The following PPP1R16B variants were observed in gnomAD, a reference collection of about 807,000 sequenced individuals.
The protein encoded by PPP1R16B is protein phosphatase 1 regulatory subunit 16B.
Under a neutral mutation model 61.7 loss-of-function variants are expected in PPP1R16B, and 14 were observed. That is an observed-to-expected ratio of 0.23 (90% CI 0.15 to 0.35). The LOEUF (loss-of-function observed/expected upper bound fraction) is 0.35, where lower values mean the gene tolerates loss of function less well. Among genes scored for constraint, PPP1R16B ranks in the 10% least tolerant of loss-of-function variants. PPP1R16B has a pLI of 1.00. For missense variants in PPP1R16B, 547 were observed against 752.5 expected, an observed-to-expected ratio of 0.73 and a Z score of 3.19; for synonymous variants, 266 against 305.3, an observed-to-expected ratio of 0.87 and a Z score of 1.34.
chr20:38,830,258 C>T (rs192517621), intron 1 of PPP1R16B, among the ~76,000 whole-genome samples: 1 of 152,312 alleles, frequency 6.6e-6, no homozygotes, highest in Admixed American at 6.5e-5. Flanking sequence ...CCTCTCTAGC[C>T]CTGAGCACAG....
At chr20:38,879,680 G>A (rs1296644744) in intron 2 of PPP1R16B, among the ~76,000 whole-genome samples, 1 of 152,222 alleles carries the variant, frequency 6.6e-6, no homozygotes, top group Non-Finnish European at 1.5e-5. Flanking sequence ...CCTAAAGGGT[G>A]TGCTGTCACT....
intron 1 of PPP1R16B, among the ~76,000 whole-genome samples, chr20:38,832,266 A>T (rs2084842133): frequency 6.6e-6 from 1 of 152,218 alleles, no homozygotes; most frequent in East Asian, 1.9e-4. Context: ...AAATGGATTT[A>T]TGAGATAAAT....
chr20:38,915,542 G>A (rs2085528733), intron 10 of PPP1R16B, among the ~76,000 whole-genome samples: 2 of 152,162 alleles, frequency 1.3e-5, no homozygotes, highest in African/African-American at 4.8e-5. Flanking sequence ...CTGGAGTGCA[G>A]TTGTGCAATC....
At chr20:38,861,349 T>A (rs1327211345) in intron 2 of PPP1R16B, among the ~76,000 whole-genome samples, 1 of 152,216 alleles carries the variant, frequency 6.6e-6, no homozygotes, top group Non-Finnish European at 1.5e-5. Flanking sequence ...TAGAAGAGGA[T>A]GAGACCCCTT....
At position 38,895,893 on chromosome 20, in the gene PPP1R16B, CCCTCCCT is replaced by C. The variant is rs2085335524; in HGVS notation, c.467+187_467+193del. On this transcript the variant is annotated intron_variant, in intron 4 of 10. Coordinates refer to ENST00000299824, the MANE Select transcript of PPP1R16B (RefSeq NM_015568.4). Reference sequence around the variant, plus strand: ...CTCCCTCCTTCCTTCTTTCTTCCCTCCCTCCCTCCTTCCTTCTTTCTTCCCTCCCTCC... The same window carrying C: ...CTCCCTCCTTCCTTCTTTCTTCCCTCCCTTCCTTCTTTCTTCCCTCCCTCC... Among the ~76,000 whole-genome samples the C allele has an allele frequency of 6.9e-5, 7 of 102,172 alleles. 1 individual carries two copies. Among genetic ancestry groups the C allele is most frequent in the African/African-American group, 3.0e-4 (7 of 23,066 alleles). 67.0% of individuals were successfully genotyped at this position (102,172 alleles called of 152,430 possible).
At chr20:38,831,188 T>C (rs1411714105) in intron 1 of PPP1R16B, among the ~76,000 whole-genome samples, 2 of 152,226 alleles carry the variant, frequency 1.3e-5, no homozygotes, top group African/African-American at 4.8e-5. Flanking sequence ...GCTGCTTCCT[T>C]GTACTTCCTT....
intron 4 of PPP1R16B, among the ~76,000 whole-genome samples, chr20:38,899,592 C>T (rs2085375893): frequency 6.6e-6 from 1 of 152,244 alleles, no homozygotes; most frequent in Admixed American, 6.5e-5. Flanking sequence ...CCCAGGTCTC[C>T]ATTCTTCTAC....
chr20:38,891,971 T>A (rs967984596), intron 3 of PPP1R16B, among the ~76,000 whole-genome samples: 1 of 152,164 alleles, frequency 6.6e-6, no homozygotes, highest in Non-Finnish European at 1.5e-5. Flanking sequence ...GTGGCTGATG[T>A]GACTGAGGAA....
At chr20:38,866,142 A>T (rs2085089050) in intron 2 of PPP1R16B, among the ~76,000 whole-genome samples, 1 of 152,122 alleles carries the variant, frequency 6.6e-6, no homozygotes, top group Non-Finnish European at 1.5e-5. Context: ...AAAAAAATTA[A>T]AAATAAATAA....
intron 2 of PPP1R16B, among the ~76,000 whole-genome samples, chr20:38,868,533 T>TA (rs2085105167): frequency 6.6e-6 from 1 of 152,042 alleles, no homozygotes; most frequent in Non-Finnish European, 1.5e-5. Flanking sequence ...TACAGGCACA[T>TA]GCCACCTCGC....
chr20:38,862,123 T>A (rs1358092197), intron 2 of PPP1R16B, among the ~76,000 whole-genome samples: 2 of 152,176 alleles, frequency 1.3e-5, no homozygotes, highest in African/African-American at 4.8e-5. Context: ...CATGCCTGGC[T>A]TCTTGCCCTC....
At chr20:38,824,504 A>C (rs543036531) in intron 1 of PPP1R16B, among the ~76,000 whole-genome samples, 34 of 152,208 alleles carry the variant, frequency 2.2e-4, no homozygotes, top group Non-Finnish European at 4.1e-4. Flanking sequence ...TTATGGGTGT[A>C]GCCTTTGGAG....
At chr20:38,817,013 C>T (rs1264718211) in intron 1 of PPP1R16B, among the ~76,000 whole-genome samples, 1 of 152,200 alleles carries the variant, frequency 6.6e-6, no homozygotes, top group Non-Finnish European at 1.5e-5. Flanking sequence ...GTCTCTTGGC[C>T]AGCCTCCTGT....
At chr20:38,887,773 G>T (rs2085256876) in intron 2 of PPP1R16B, among the ~76,000 whole-genome samples, 1 of 152,228 alleles carries the variant, frequency 6.6e-6, no homozygotes, top group Non-Finnish European at 1.5e-5. Context: ...ACCCATACTG[G>T]CTATGCATAC....
chr20:38,863,427 T>C (rs980804428), intron 2 of PPP1R16B, among the ~76,000 whole-genome samples: 5 of 152,102 alleles, frequency 3.3e-5, no homozygotes, highest in African/African-American at 9.7e-5. Flanking sequence ...TAGGCCAAAG[T>C]GAGGGGTAAT....
intron 1 of PPP1R16B, among the ~76,000 whole-genome samples, chr20:38,812,086 A>G (rs1231268506): frequency 6.6e-6 from 1 of 152,210 alleles, no homozygotes; most frequent in Non-Finnish European, 1.5e-5. Context: ...TAGGCAGAAG[A>G]GATTTAGATG....
intron 2 of PPP1R16B, among the ~76,000 whole-genome samples, chr20:38,871,335 ACAAG>A (rs2085127819): frequency 6.6e-6 from 1 of 152,064 alleles, no homozygotes; most frequent in African/African-American, 2.4e-5. Flanking sequence ...CTGCACTCAA[ACAAG>A]CAGGTATGGG....
Position 38,835,862 on chromosome 20 carries a change from C to T in PPP1R16B, c.-64C>T. 2.1e-6 allele frequency: 3 copies of T among 1,462,198 alleles called. No homozygotes were observed. Among genetic ancestry groups the T allele is most frequent in the South Asian group, 1.4e-5 (1 of 73,040 alleles). 90.6% of individuals were successfully genotyped at this position (1,462,198 alleles called of 1,614,324 possible). On this transcript the variant is annotated 5_prime_UTR_variant, in exon 2 of 11. Transcript: ENST00000299824. ...GGCCCCAGCCCCACCAGAGGCCCCG[C>T]GCTGCCCTGGCCCCCGGTGCACCGT... is the stretch of plus-strand genomic sequence containing the variant.
intron 2 of PPP1R16B, among the ~76,000 whole-genome samples, chr20:38,857,349 T>C (rs1395292371): frequency 6.6e-6 from 1 of 152,216 alleles, no homozygotes; most frequent in East Asian, 1.9e-4. Context: ...CCAGGCTTTA[T>C]AATTTTTTAA....
Sources: gnomAD v4.1 joint callset for allele counts (sites outside exome capture counted in the v4.1 genomes callset) on GRCh38, gnomAD v4.1.1 for gene constraint, MANE v1.5 for transcripts, NCBI Gene and HGNC (gene_info 2026-07-23, HGNC 2026-07-21) for gene names.